The following PSMD2 variants were observed in gnomAD, a reference collection of about 807,000 sequenced individuals.
The protein encoded by PSMD2 is proteasome 26S subunit ubiquitin receptor, non-ATPase 2, also known as 26S proteasome non-ATPase regulatory subunit 2.
Under a neutral mutation model 101.5 loss-of-function variants are expected in PSMD2, and 8 were observed. The observed-to-expected ratio is 0.08, with a 90% CI of 0.05 to 0.14. The LOEUF (loss-of-function observed/expected upper bound fraction) is 0.14. Among genes scored for constraint, PSMD2 ranks in the 10% least tolerant of loss-of-function variants. The pLI is 1.00. For synonymous variants in PSMD2, 418 were observed against 433.8 expected, an observed-to-expected ratio of 0.96 and a Z score of 0.45; for missense variants, 784 against 1,147.4, an observed-to-expected ratio of 0.68 and a Z score of 4.58.
chr3:184,300,726 A>G, intron 3 of PSMD2: 1 of 999,610 alleles, frequency 1.0e-6, no homozygotes, highest in Middle Eastern at 4.1e-4. Context: ...TCTATCCCAT[A>G]TACATTCATT....
At chr3:184,307,740 C>T (rs559958070) in intron 18 of PSMD2, 32 bp downstream of exon 18, 55 of 1,609,614 alleles carry the variant, frequency 3.4e-5, no homozygotes, top group Middle Eastern at 3.3e-4. Context: ...CAGAGCGTGC[C>T]GGGGAAGTAT....
intron 10 of PSMD2, 21 bp from the exon 11 acceptor site, chr3:184,303,926 G>A: frequency 6.2e-7 from 1 of 1,614,248 alleles, no homozygotes; most frequent in Middle Eastern, 1.6e-4. Flanking sequence ...CCTGAGTGAA[G>A]AATCTGTTTG....
In PSMD2 at chr3:184,303,046, C is replaced by T; in HGVS notation, c.1053C>T (p.Thr351=). 3 of 1,614,010 alleles carry T rather than the reference C, an allele frequency of 1.9e-6. No homozygotes were observed. The highest frequency in any genetic ancestry group is 2.5e-6 in the Non-Finnish European group (3 of 1,179,950). The change falls in exon 8 of 21, where the codon ACC becomes ACT. Residue 351 remains threonine, a synonymous_variant. Transcript: ENST00000310118. ...EPKVPDDIYK[T]HLENNRFGGS... is the part of the protein sequence containing the mutation. ...AGGTGCCTGATGACATCTACAAAAC[C>T]CACCTAGAGAACAACAGTGAGTAGC...
At position 184,309,020 on chromosome 3, in the gene PSMD2, A is replaced by G; in HGVS notation, c.*130A>G. ...CTGCTCTTTTGTTACTGAGTGAGATAAGGTTGTTCAATAAAGACTTTTATC... is the reference window on the plus strand; with the variant it reads ...CTGCTCTTTTGTTACTGAGTGAGATGAGGTTGTTCAATAAAGACTTTTATC... On this transcript the variant is annotated 3_prime_UTR_variant, in exon 21 of 21. Transcript: ENST00000310118. 2.1e-6 allele frequency: 2 copies of G among 969,642 alleles called. No homozygotes were observed. Among genetic ancestry groups the G allele is most frequent in the Non-Finnish European group, 3.1e-6 (2 of 651,242 alleles). The allele number at this position is 969,642 out of a possible 1,614,324, so 60.1% of individuals were successfully genotyped here.
In PSMD2 at chr3:184,304,521, T is replaced by C; in HGVS notation, c.1539+130T>C. 2.2e-6 allele frequency: 2 copies of C among 904,194 alleles called. No homozygotes were observed. Among genetic ancestry groups the C allele is most frequent in the Non-Finnish European group, 3.5e-6 (2 of 567,886 alleles). The allele number at this position is 904,194 out of a possible 1,614,324, so 56.0% of individuals were successfully genotyped here. A position where few individuals can be genotyped will look rare whatever the true frequency, so the allele number is the denominator to read the frequency against. ...ACATGTACATGCCTGTTGGTGTGTATTGAGGGGCGTCACCTCAGTGAAACC... is the reference window on the plus strand; with the variant it reads ...ACATGTACATGCCTGTTGGTGTGTACTGAGGGGCGTCACCTCAGTGAAACC... On this transcript the variant is annotated intron_variant, in intron 12 of 20. Transcript: ENST00000310118. This position sits in a 1 kb window ranked among gnomAD's most constrained non-coding sequence, Gnocchi z 4.1.
At position 184,308,743 on chromosome 3, in the gene PSMD2, G is replaced by T. The variant is rs573597917; in HGVS notation, c.2580G>T (p.Lys860Asn). ...TGGTGGGCCAGGCTGGCAAGCCGAAGACTATCACAGGGTTCCAGACGCATA... is the reference window on the plus strand; with the variant it reads ...TGGTGGGCCAGGCTGGCAAGCCGAATACTATCACAGGGTTCCAGACGCATA... ...VDVVGQAGKP[K>N]TITGFQTHTT... Residue 860 changes from lysine to asparagine, a missense_variant, in exon 21 of 21, where the codon AAG (lysine) becomes AAT (asparagine). Physicochemically the swap from Lys to Asn is moderately conservative, Grantham distance 94 (BLOSUM62 0). This residue lies in a region of PSMD2 where 28 missense variants were observed against 80.8 expected (regional missense o/e 0.35). Coordinates refer to ENST00000310118, the MANE Select transcript of PSMD2 (RefSeq NM_002808.5). The surrounding 1 kb of genome is among the most constrained non-coding windows in gnomAD (Gnocchi z 6.0). 1.9e-6 allele frequency: 3 copies of T among 1,614,098 alleles called. No individual in the cohort carries two copies. The highest frequency in any genetic ancestry group is 2.5e-6 in the Non-Finnish European group (3 of 1,179,948).
rs1721676255 is a variant in PSMD2, at chr3:184,302,402, C to T, written c.737C>T (p.Ser246Leu). The T allele has an allele frequency of 6.2e-7, 1 of 1,613,956 alleles. No individual in the cohort carries two copies. Among genetic ancestry groups the T allele is most frequent in the South Asian group, 1.1e-5 (1 of 91,042 alleles). ...AATTACGTGCCTGAGCCTGAGAACT[C>T]AGCCCTACTGCGTTGTGCCCTGGGT... ...CVNYVPEPEN[S>L]ALLRCALGVF... The change falls in exon 6 of 21, where the codon TCA becomes TTA. Residue 246 changes from serine (S) to leucine (L), a missense_variant. This residue lies in a region of PSMD2 where 208 missense variants were observed against 301.6 expected (regional missense o/e 0.69). Transcript: ENST00000310118.
In PSMD2 at chr3:184,304,432, G is replaced by C; in HGVS notation, c.1539+41G>C. ...TGAGCATTTAGAGTAAGTAGGGAAG[G>C]TGCTTTGAGTCTTACTTTCTGTGAT... is the stretch of plus-strand genomic sequence containing the variant. On this transcript the variant is annotated intron_variant, in intron 12 of 20. Transcript: ENST00000310118. This position sits in a 1 kb window ranked among gnomAD's most constrained non-coding sequence, Gnocchi z 4.1. 6.4e-7 allele frequency: 1 copy of C among 1,567,604 alleles called. No homozygotes were observed. Among genetic ancestry groups the C allele is most frequent in the South Asian group, 1.1e-5 (1 of 90,158 alleles).
At position 184,308,069 on chromosome 3, in the gene PSMD2, C is replaced by A; in HGVS notation, c.2425+53C>A. 1.2e-6 allele frequency: 2 copies of A among 1,602,278 alleles called. No homozygotes were observed. The highest frequency in any genetic ancestry group is 1.7e-6 in the Non-Finnish European group (2 of 1,175,180). On this transcript the variant is annotated intron_variant, in intron 19 of 20. Transcript: ENST00000310118. The surrounding 1 kb of genome is among the most constrained non-coding windows in gnomAD (Gnocchi z 6.0). ...ATAGCATGCAGGGCTCTGACTCCACCCTTTCCAGGGCCACTTTGATAATTT... is the reference window on the plus strand; with the variant it reads ...ATAGCATGCAGGGCTCTGACTCCACACTTTCCAGGGCCACTTTGATAATTT...
chr3:184,307,875 C>G lies in PSMD2; in HGVS notation c.2299-15C>G. 6.2e-7 allele frequency: 1 copy of G among 1,614,034 alleles called. No homozygotes were observed. Among genetic ancestry groups the G allele is most frequent in the Non-Finnish European group, 8.5e-7 (1 of 1,179,998 alleles). On this transcript the variant is annotated splice_polypyrimidine_tract_variant and intron_variant, in intron 18 of 20. Transcript: ENST00000310118. ...GTGGTAACTCCTCACCTCTACTTCC[C>G]TCTGTTTTTTTCAGGGCCTGACACA... is the stretch of plus-strand genomic sequence containing the variant.
At chr3:184,306,027 C>G in intron 13 of PSMD2, 27 bp from the exon 14 acceptor site, 1 of 1,613,970 alleles carries the variant, frequency 6.2e-7, no homozygotes, top group South Asian at 1.1e-5. Flanking sequence ...GGCAAGTATC[C>G]TCTGACCCCT....
At chr3:184,303,532 A>T in intron 9 of PSMD2, 66 bp downstream of exon 9, 1 of 1,605,766 alleles carries the variant, frequency 6.2e-7, no homozygotes, top group Non-Finnish European at 8.5e-7. Context: ...TCTTGGAGTC[A>T]TAAGTTATCT....
intron 16 of PSMD2, 25 bp from the exon 17 acceptor site, chr3:184,307,332 C>T (rs1445843595): frequency 6.2e-7 from 1 of 1,612,696 alleles, no homozygotes. Flanking sequence ...TTCCGCCTTA[C>T]TGTTGTATTT....
At position 184,304,285 on chromosome 3, in the gene PSMD2, CT is replaced by C. The variant is rs1560195379; in HGVS notation, c.1452-16del. 1 of 1,613,640 alleles carries C rather than the reference CT, an allele frequency of 6.2e-7. No homozygotes were observed. Among genetic ancestry groups the C allele is most frequent in the Admixed American group, 1.7e-5 (1 of 60,022 alleles). On this transcript the variant is annotated intron_variant, in intron 11 of 20. Transcript: ENST00000310118. The surrounding 1 kb of genome is among the most constrained non-coding windows in gnomAD (Gnocchi z 4.1). The stretch of plus-strand genomic sequence containing the variant: ...TCGTTGGGTATGTGTTGGGGACCGC[CT>C]TTCCATGGCTTTTGCAGGCTAGGCT...
chr3:184,303,175 T>G (rs919490530), intron 8 of PSMD2, 113 bp downstream of exon 8: 5 of 1,506,012 alleles, frequency 3.3e-6, no homozygotes, highest in Non-Finnish European at 1.8e-6. Flanking sequence ...TCCTCATGAA[T>G]CTTTTTCAGG....
At chr3:184,303,808 C>G in intron 10 of PSMD2, 59 bp downstream of exon 10, 1 of 1,601,038 alleles carries the variant, frequency 6.2e-7, no homozygotes, top group African/African-American at 1.3e-5. Flanking sequence ...TAGTGCCTAG[C>G]AGTGCCTCTC....
Position 184,300,366 on chromosome 3 carries a change from C to T in PSMD2, c.279C>T (p.Pro93=), listed in dbSNP as rs773939705. ...CTACAACTTCCATGACTTCAGTGCC[C>T]AAGCCTCTCAAATTTCTGCGTCCAC... is the stretch of plus-strand genomic sequence containing the variant. The part of the protein sequence containing the change: ...RSSTTSMTSV[P]KPLKFLRPHY... Residue 93 remains proline (P), a synonymous_variant, in exon 3 of 21, where the codon CCC becomes CCT. Transcript: ENST00000310118. 6.2e-6 allele frequency: 10 copies of T among 1,613,842 alleles called. No individual in the cohort carries two copies. Among genetic ancestry groups the T allele is most frequent in the African/African-American group, 1.3e-5 (1 of 74,908 alleles).
At position 184,304,749 on chromosome 3, in the gene PSMD2, G is replaced by C. The variant is rs557457742; in HGVS notation, c.1539+358G>C. ...AAAAAATAAACAGAAAAATTAGCCG[G>C]GTGTGGTGGTGCTCGCCTGTAGTGC... On this transcript the variant is annotated intron_variant, in intron 12 of 20. Coordinates refer to ENST00000310118, the MANE Select transcript of PSMD2 (RefSeq NM_002808.5). The surrounding 1 kb of genome is among the most constrained non-coding windows in gnomAD (Gnocchi z 4.1). Among the ~76,000 whole-genome samples the C allele has an allele frequency of 2.3e-4, 35 of 152,086 alleles. No individual in the cohort carries two copies. The highest frequency in any genetic ancestry group is 4.9e-4 in the Non-Finnish European group (33 of 68,026).
Position 184,304,051 on chromosome 3 carries a change from C to T in PSMD2, c.1428C>T (p.Thr476=). 3.1e-6 allele frequency: 5 copies of T among 1,614,180 alleles called. No homozygotes were observed. Among genetic ancestry groups the T allele is most frequent in the Non-Finnish European group, 4.2e-6 (5 of 1,180,028 alleles). Residue 476 remains threonine (T), a synonymous_variant, in exon 11 of 21, where the codon ACC becomes ACT. Transcript: ENST00000310118. The surrounding 1 kb of genome is among the most constrained non-coding windows in gnomAD (Gnocchi z 4.1). ...ACTATGTTCTCCACAACAGCAACAC[C>T]ATGAGACTTGGTTCCATCTTTGGGT... ...LSDYVLHNSN[T]MRLGSIFGLG...
Sources: allele counts gnomAD v4.1 joint callset (sites outside exome capture counted in the v4.1 genomes callset), GRCh38; gene constraint gnomAD v4.1.1; regional missense constraint gnomAD v4.1.1; non-coding constraint Gnocchi (gnomAD v3.1); transcripts MANE v1.5; gene names NCBI Gene and HGNC (gene_info 2026-07-23, HGNC 2026-07-21).